The following MSN variants were observed in gnomAD, a reference collection of about 807,000 sequenced individuals.
MSN encodes the protein moesin, also known as epididymis luminal protein 70.
MSN carries 2 observed loss-of-function variants against 48.0 expected under a neutral mutation model. The ratio of observed to expected loss-of-function variants is 0.04; its 90% CI spans 0.02 to 0.13. The LOEUF (loss-of-function observed/expected upper bound fraction) is 0.13. Ranked by LOEUF, MSN falls within the 10% of genes least tolerant of loss-of-function variation. MSN has a pLI of 1.00. For synonymous variants in MSN, 146 were observed against 166.9 expected (o/e 0.87, Z 0.97); for missense variants, 267 against 470.1 (o/e 0.57, Z 3.99).
chrX:65,681,419 A>G (rs1036263501), intron 1 of MSN, among the ~76,000 whole-genome samples: 9 of 111,920 alleles, frequency 8.0e-5, no homozygotes, highest in Non-Finnish European at 1.7e-4. Flanking sequence ...GCATTTGGTC[A>G]GTAATATACA....
chrX:65,679,056 T>G (rs1047816193), intron 1 of MSN, among the ~76,000 whole-genome samples: 1 of 111,552 alleles, frequency 9.0e-6, no homozygotes, highest in African/African-American at 3.3e-5. Flanking sequence ...TGAGCTCTGC[T>G]CTGGGATATA....
exon 1 of MSN, chrX:65,588,573 C>G (rs955464627): frequency 1.2e-5 from 10 of 802,809 alleles, no homozygotes; most frequent in Non-Finnish European, 1.5e-5. Context: ...GCCATCAGTC[C>G]CTTAACTGCC....
chrX:65,689,560 G>A (rs1163924559), intron 1 of MSN, among the ~76,000 whole-genome samples: 1 of 111,467 alleles, frequency 9.0e-6, no homozygotes, highest in Non-Finnish European at 1.9e-5. Context: ...TCTGTGGCCA[G>A]GTAGTTCCTG....
chrX:65,721,388 T>G (rs2147504025), intron 2 of MSN, among the ~76,000 whole-genome samples: 1 of 112,235 alleles, frequency 8.9e-6, no homozygotes, highest in Admixed American at 9.4e-5. Context: ...CTCAAATAAG[T>G]AAAATGCCTG....
At chrX:65,712,260 T>G (rs1405292296) in intron 1 of MSN, among the ~76,000 whole-genome samples, 1 of 111,656 alleles carries the variant, frequency 9.0e-6, no homozygotes, top group South Asian at 3.7e-4. Context: ...TGTCCCATTG[T>G]CAATCCTAAA....
intron 1 of MSN, among the ~76,000 whole-genome samples, chrX:65,684,507 C>T (rs181785234): frequency 0.012 from 1,291 of 105,829 alleles, 15 homozygotes; most frequent in African/African-American, 0.042. Context: ...GGCGCGATCT[C>T]GGCTCACTGC....
At chrX:65,735,483 C>G (rs2071666882) in intron 8 of MSN, 53 bp downstream of exon 8, 7 of 1,141,449 alleles carry the variant, frequency 6.1e-6, no homozygotes, top group Non-Finnish European at 5.9e-6. Flanking sequence ...GGAAGCTTCT[C>G]AAAGGTGCCC....
At chrX:65,709,534 A>C (rs976511376) in intron 1 of MSN, among the ~76,000 whole-genome samples, 35 of 112,118 alleles carry the variant, frequency 3.1e-4, no homozygotes, top group African/African-American at 1.1e-3. Flanking sequence ...TACCAGGGTG[A>C]TCCTCTACGA....
chrX:65,629,722 T>G (rs939414909), intron 1 of MSN, among the ~76,000 whole-genome samples: 1 of 111,591 alleles, frequency 9.0e-6, no homozygotes, highest in East Asian at 2.8e-4. Flanking sequence ...GTGAGACTTA[T>G]TCACTATCAT....
At chrX:65,631,259 A>G (rs1204227695) in intron 1 of MSN, among the ~76,000 whole-genome samples, 1 of 109,298 alleles carries the variant, frequency 9.1e-6, no homozygotes, top group Admixed American at 9.9e-5. Context: ...ATGCCCGGAT[A>G]ATTTTTGTTT....
intron 9 of MSN, 86 bp downstream of exon 9, chrX:65,737,011 A>T (rs902678388): frequency 1.0e-5 from 12 of 1,154,340 alleles, no homozygotes; most frequent in Non-Finnish European, 1.4e-5. Context: ...GTAGACTCAG[A>T]CAATGTAGTT....
chrX:65,623,828 AT>A lies in MSN; in HGVS notation c.-22+35220del, dbSNP rs1455725663. On this transcript the variant is annotated intron_variant, in intron 1 of 3. Coordinates refer to the MSN transcript ENST00000609672. ...ACTCCGTCTCAAAAAAAAAAAAAAA[AT>A]TTTGGAATTTATAAGTGAAATCATC... is the stretch of plus-strand genomic sequence containing the variant. Among the ~76,000 whole-genome samples the A allele has an allele frequency of 4.0e-3, 413 of 103,967 alleles. 11 individuals carry two copies. The highest frequency in any genetic ancestry group is 0.015 in the African/African-American group (385 of 24,860). 90.3% of individuals were successfully genotyped at this position (103,967 alleles called of 115,157 possible).
chrX:65,601,146 A>T (rs73629454), intron 1 of MSN, among the ~76,000 whole-genome samples: 1 of 112,268 alleles, frequency 8.9e-6, no homozygotes, highest in African/African-American at 3.2e-5. Flanking sequence ...GTGATAGCTC[A>T]GGTTCAGACC....
At chrX:65,596,634 C>T (rs1484105913) in intron 1 of MSN, among the ~76,000 whole-genome samples, 2 of 101,384 alleles carry the variant, frequency 2.0e-5, no homozygotes, top group African/African-American at 7.4e-5. Flanking sequence ...CCTCAAGCTC[C>T]AGGGAGCCAG....
chrX:65,692,931 C>T (rs1032064300), intron 1 of MSN, among the ~76,000 whole-genome samples: 2 of 111,851 alleles, frequency 1.8e-5, no homozygotes, highest in Non-Finnish European at 3.8e-5. Context: ...CCTCCCACCT[C>T]GGCCAGCGTT....
At chrX:65,694,082 A>G (rs918025283) in intron 1 of MSN, among the ~76,000 whole-genome samples, 1 of 110,455 alleles carries the variant, frequency 9.1e-6, no homozygotes, top group Non-Finnish European at 1.9e-5. Flanking sequence ...AAACAAAAAA[A>G]AAAAACAAAA....
At chrX:65,664,338 A>C (rs746059313), upstream of MSN, among the ~76,000 whole-genome samples, 2 of 111,746 alleles carry the variant, frequency 1.8e-5, no homozygotes, top group Non-Finnish European at 3.8e-5. Context: ...AGGGAAGAGG[A>C]CATGGGTTGA....
At chrX:65,619,274 G>A (rs1380049491) in intron 1 of MSN, among the ~76,000 whole-genome samples, 3 of 102,701 alleles carry the variant, frequency 2.9e-5, no homozygotes, top group African/African-American at 1.2e-4. Flanking sequence ...GATTGGGGAA[G>A]TTCTCCTGGA....
At position 65,678,249 on chromosome X, in the gene MSN, A is replaced by C. The variant is rs569283258; in HGVS notation, c.12+10396A>C. 7.9e-4 allele frequency among the ~76,000 whole-genome samples: 88 copies of C among 111,828 alleles called. No homozygotes were observed. The South Asian group carries it at 8.2e-3, about 10-fold the overall frequency. On this transcript the variant is annotated intron_variant, in intron 1 of 12. Transcript: ENST00000360270. ...GGGAATGCCTTCTTCAAGTTTATAC[A>C]ATACCACCTGCAAACTTCTTTTCTT...
Sources: gnomAD v4.1 joint callset for allele counts (sites outside exome capture counted in the v4.1 genomes callset) on GRCh38, gnomAD v4.1.1 for gene constraint, MANE v1.5 for transcripts, NCBI Gene and HGNC (gene_info 2026-07-23, HGNC 2026-07-21) for gene names.